SCN3B: variants seen among roughly 807,000 people sequenced by gnomAD.
SCN3B encodes the protein sodium voltage-gated channel beta subunit 3.
A neutral mutation model predicts 25.4 loss-of-function variants in SCN3B; 11 were observed. The ratio of observed to expected loss-of-function variants is 0.43; its 90% CI spans 0.27 to 0.72. The LOEUF (loss-of-function observed/expected upper bound fraction) is 0.72. Among genes scored for constraint, SCN3B ranks in the 30% least tolerant of loss-of-function variants. The pLI, the probability that SCN3B is intolerant of heterozygous loss-of-function variation, is 0.18. For synonymous variants in SCN3B, 109 were observed against 110.7 expected (o/e 0.99, Z 0.09); for missense variants, 218 against 278.3 (o/e 0.78, Z 1.54).
chr11:123,654,091 C>A, intron 1 of SCN3B, 135 bp downstream of exon 1: 1 of 525,816 alleles, frequency 1.9e-6, no homozygotes, highest in Admixed American at 3.2e-5. Context: ...ACAGTCGCCT[C>A]CCCGCCCACC....
Position 123,642,779 on chromosome 11 carries a change from G to T in SCN3B, c.220-108C>A. ...AAAGGAGCAGAATTGTGCATGGACA[G>T]GGAAGAGAGGGGACAATGCCACCGG... On this transcript the variant is annotated intron_variant, in intron 3 of 6. Coordinates refer to ENST00000299333, the MANE Select transcript of SCN3B (RefSeq NM_001040151.2). This position sits in a 1 kb window ranked among gnomAD's most constrained non-coding sequence, Gnocchi z 4.3. 1 of 818,750 alleles carries T rather than the reference G, an allele frequency of 1.2e-6. No individual in the cohort carries two copies. The highest frequency in any genetic ancestry group is 2.0e-6 in the Non-Finnish European group (1 of 489,246). The allele number at this position is 818,750 out of a possible 1,614,324, so 50.7% of individuals were successfully genotyped here.
chr11:123,653,549 G>A (rs1323154823), intron 2 of SCN3B, among the ~76,000 whole-genome samples, 198 bp downstream of exon 2: 3 of 152,066 alleles, frequency 2.0e-5, no homozygotes, highest in Non-Finnish European at 4.4e-5. Context: ...GAGAATAGCG[G>A]GGAAGGGCGG....
chr11:123,638,194 T>C lies in SCN3B; in HGVS notation c.576A>G (p.Gln192=). ...RKVSKAEEAA[Q]ENASDYLAIP... The stretch of plus-strand genomic sequence containing the variant: ...GGCATCTCTGGACTTACGCGTTTTC[T>C]TGGGCTGCCTCTTCGGCTTTTGAGA... The change falls in exon 5 of 7, where the codon CAA becomes CAG. Residue 192 remains glutamine, a synonymous_variant. Transcript: ENST00000299333. The C allele has an allele frequency of 6.2e-7, 1 of 1,614,126 alleles. No homozygotes were observed. Among genetic ancestry groups the C allele is most frequent in the Non-Finnish European group, 8.5e-7 (1 of 1,180,026 alleles).
rs1267421689 is a variant in SCN3B, at chr11:123,632,871, CT to C, written c.*927del. On this transcript the variant is annotated 3_prime_UTR_variant, in exon 7 of 7. Transcript: ENST00000299333. ...GGGCAGCACCTAAGGCTTATTTCTG[CT>C]CCAGTTTATCCTCTTAAGCCTCTTA... The C allele has an allele frequency of 6.6e-6, 1 of 152,218 alleles. No individual in the cohort carries two copies. The highest frequency in any genetic ancestry group is 1.5e-5 in the Non-Finnish European group (1 of 68,050). The allele number at this position is 152,218 out of a possible 1,614,324, so 9.4% of individuals were successfully genotyped here. A position where few individuals can be genotyped will look rare whatever the true frequency, so the allele number is the denominator to read the frequency against.
intron 6 of SCN3B, 78 bp downstream of exon 6, chr11:123,634,043 T>C: frequency 8.3e-7 from 1 of 1,205,948 alleles, no homozygotes. Context: ...TTAAAGTCAC[T>C]TCAGTTGTGG....
In SCN3B at chr11:123,653,957, G is replaced by C. The variant is rs570513365; in HGVS notation, c.-25-131C>G. ...AGGGCCGAGCACCGGTGCCTGGGGA[G>C]GCCCTGGGAGCTTTTGGAGCCGGGT... is the stretch of plus-strand genomic sequence containing the variant. On this transcript the variant is annotated intron_variant, in intron 1 of 6. Transcript: ENST00000299333. 118 of 842,914 alleles carry C rather than the reference G, an allele frequency of 1.4e-4. No individual in the cohort carries two copies. In the African/African-American group the frequency reaches 1.8e-3, roughly 13 times the overall value. The allele number at this position is 842,914 out of a possible 1,614,324, so 52.2% of individuals were successfully genotyped here.
intron 2 of SCN3B, among the ~76,000 whole-genome samples, chr11:123,650,887 G>T (rs1265208802): frequency 6.6e-6 from 1 of 152,082 alleles, no homozygotes; most frequent in Non-Finnish European, 1.5e-5. Flanking sequence ...AAATTACATT[G>T]TAAACTGTGA....
chr11:123,633,998 C>A, intron 6 of SCN3B, 123 bp downstream of exon 6: 1 of 751,170 alleles, frequency 1.3e-6, no homozygotes, highest in East Asian at 2.7e-5. Context: ...GGCGGGGACC[C>A]CAGGCAGGGT....
chr11:123,636,607 G>C (rs905578910), intron 5 of SCN3B, among the ~76,000 whole-genome samples: 11 of 151,648 alleles, frequency 7.3e-5, no homozygotes, highest in Non-Finnish European at 1.5e-4. Flanking sequence ...CCTGCTCAGG[G>C]CATATTATGC....
intron 5 of SCN3B, among the ~76,000 whole-genome samples, chr11:123,636,641 C>T (rs1306833936): frequency 6.6e-6 from 1 of 152,018 alleles, no homozygotes; most frequent in Non-Finnish European, 1.5e-5. Context: ...AGAGTCATCC[C>T]TCCCTCAGCC....
At chr11:123,636,698 GTT>G (rs60450932) in intron 5 of SCN3B, among the ~76,000 whole-genome samples, 123,996 of 147,368 alleles carry the variant, frequency 0.84, 52,363 homozygotes, top group Middle Eastern at 0.94. Context: ...GTTCTATTCT[GTT>G]TTTTTTTTTT....
chr11:123,644,206 A>G (rs1955821594), intron 3 of SCN3B, among the ~76,000 whole-genome samples: 1 of 152,208 alleles, frequency 6.6e-6, no homozygotes, highest in Non-Finnish European at 1.5e-5. Flanking sequence ...TCTTTTCTCT[A>G]GCAAACATTT....
intron 5 of SCN3B, 72 bp downstream of exon 5, chr11:123,638,114 G>A (rs1167190249): frequency 2.5e-6 from 4 of 1,570,356 alleles, no homozygotes; most frequent in Non-Finnish European, 3.5e-6. Flanking sequence ...AAACTGCTTA[G>A]CACCTCACCT....
chr11:123,635,648 T>A (rs2137232663), intron 5 of SCN3B, among the ~76,000 whole-genome samples: 1 of 151,278 alleles, frequency 6.6e-6, no homozygotes, highest in East Asian at 1.9e-4. Context: ...ATCGCGCCAC[T>A]GCACTCCAGC....
At chr11:123,649,348 C>T (rs534343335) in intron 2 of SCN3B, among the ~76,000 whole-genome samples, 1 of 152,122 alleles carries the variant, frequency 6.6e-6, no homozygotes, top group African/African-American at 2.4e-5. Flanking sequence ...TCTTGGTTGC[C>T]CCTAAGGCAA....
intron 2 of SCN3B, among the ~76,000 whole-genome samples, 190 bp downstream of exon 2, chr11:123,653,557 C>A (rs891211030): frequency 1.3e-5 from 2 of 152,044 alleles, no homozygotes; most frequent in Non-Finnish European, 1.5e-5. Flanking sequence ...CGGGGAAGGG[C>A]GGTGGGGAGG....
At chr11:123,647,238 G>A (rs1381938032) in intron 2 of SCN3B, among the ~76,000 whole-genome samples, 1 of 152,132 alleles carries the variant, frequency 6.6e-6, no homozygotes, top group Non-Finnish European at 1.5e-5. Context: ...CACTTTGGGA[G>A]GCTAAGTTGA....
chr11:123,629,839 T>A lies in SCN3B; in HGVS notation c.*3960A>T, dbSNP rs149690827. The A allele has an allele frequency of 1.2e-4, 18 of 152,364 alleles. No homozygotes were observed. The highest frequency in any genetic ancestry group is 4.3e-4 in the African/African-American group (18 of 41,592). The allele number at this position is 152,364 out of a possible 1,614,324, so 9.4% of individuals were successfully genotyped here. A position where few individuals can be genotyped will look rare whatever the true frequency, so the allele number is the denominator to read the frequency against. On this transcript the variant is annotated 3_prime_UTR_variant, in exon 7 of 7. Coordinates refer to ENST00000299333, the MANE Select transcript of SCN3B (RefSeq NM_001040151.2). ...TCTTTTGTTTTTGTTTTTCATTTTT[T>A]TCTTTTTTCATTTTCATGTTAAACT...
In SCN3B at chr11:123,645,728, A is replaced by G. The variant is rs1555116006; in HGVS notation, c.78T>C (p.Cys26=). Residue 26 remains cysteine, a synonymous_variant, in exon 3 of 7, where the codon TGT becomes TGC. Coordinates refer to ENST00000299333, the MANE Select transcript of SCN3B (RefSeq NM_001040151.2). ...IYWVSVCFPV[C]VEVPSETEAV... Reference sequence around the variant, plus strand: ...CCTCCGTCTCCGAGGGCACTTCCACACACACAGGGAAGCAGACACTGACTG... The same window carrying G: ...CCTCCGTCTCCGAGGGCACTTCCACGCACACAGGGAAGCAGACACTGACTG... 6.2e-7 allele frequency: 1 copy of G among 1,613,978 alleles called. No individual in the cohort carries two copies. The highest frequency in any genetic ancestry group is 1.3e-5 in the African/African-American group (1 of 74,896).
Sources: gnomAD v4.1 joint callset for allele counts (sites outside exome capture counted in the v4.1 genomes callset) on GRCh38, gnomAD v4.1.1 for gene constraint, Gnocchi (gnomAD v3.1) non-coding constraint, MANE v1.5 for transcripts, NCBI Gene and HGNC (gene_info 2026-07-23, HGNC 2026-07-21) for gene names.